MAPK14: variants seen among roughly 807,000 people sequenced by gnomAD.
MAPK14 encodes CSAID-binding protein.
Under a neutral mutation model 49.6 loss-of-function variants are expected in MAPK14, and 16 were observed. The observed-to-expected ratio is 0.32, with a 90% confidence interval of 0.22 to 0.49. The LOEUF (loss-of-function observed/expected upper bound fraction) is 0.49. Among genes scored for constraint, MAPK14 ranks in the 20% least tolerant of loss-of-function variants. The probability of loss-of-function intolerance (pLI) is 0.99; values close to 1 mark genes in which losing one functional copy is unlikely to be tolerated. For synonymous variants in MAPK14, 142 were observed against 158.0 expected (o/e 0.90, Z 0.76); for missense variants, 200 against 441.2 (o/e 0.45, Z 4.90).
intron 1 of MAPK14, among the ~76,000 whole-genome samples, chr6:36,029,746 A>C (rs994680487): frequency 6.6e-6 from 1 of 152,170 alleles, no homozygotes; most frequent in African/African-American, 2.4e-5. Context: ...TGCTTAAGTT[A>C]TGTTGCAGAT....
intron 1 of MAPK14, among the ~76,000 whole-genome samples, chr6:36,051,588 C>T (rs1296890712): frequency 6.6e-6 from 1 of 152,050 alleles, no homozygotes; most frequent in Non-Finnish European, 1.5e-5. Context: ...CGTTTCCTAC[C>T]TCTGTTTCTT....
At chr6:36,073,936 C>T (rs1031253245) in intron 5 of MAPK14, 113 bp from the exon 6 acceptor site, 7 of 934,106 alleles carry the variant, frequency 7.5e-6, no homozygotes, top group Non-Finnish European at 1.2e-5. Context: ...TGGAGATTGT[C>T]TTTTGATAGC....
chr6:36,074,167 T>G, intron 6 of MAPK14, 71 bp downstream of exon 6: 1 of 1,160,802 alleles, frequency 8.6e-7, no homozygotes. Flanking sequence ...CAGGCAGACT[T>G]TCTTAGGGAG....
intron 9 of MAPK14, among the ~76,000 whole-genome samples, chr6:36,100,026 A>T (rs769227957): frequency 2.0e-5 from 3 of 152,212 alleles, no homozygotes; most frequent in Non-Finnish European, 4.4e-5. Context: ...TGTCATTCAC[A>T]GAAGTGTACT....
At chr6:36,116,832 A>G in the MAPK14 span, among the ~76,000 whole-genome samples, 1 of 152,040 alleles carries the variant, frequency 6.6e-6, no homozygotes, top group Non-Finnish European at 1.5e-5. Context: ...ATGAACTGCT[A>G]CTGTATGTTA....
Position 36,109,181 on chromosome 6 carries a change from G to GCGGT in MAPK14, c.*736_*739dup, listed in dbSNP as rs1292754843. ...CGGAGTAATCAGGCAGCCTTCATAG[G>GCGGT]CGGTCATGTGTGCATGTGAGCACAT... On this transcript the variant is annotated 3_prime_UTR_variant, in exon 12 of 12. Transcript: ENST00000229794. The GCGGT allele has an allele frequency of 6.5e-6, 1 of 152,780 alleles. No individual in the cohort carries two copies. The highest frequency in any genetic ancestry group is 2.4e-5 in the African/African-American group (1 of 41,448). The allele number at this position is 152,780 out of a possible 1,614,324, so 9.5% of individuals were successfully genotyped here.
chr6:36,117,147 C>G, the MAPK14 span, among the ~76,000 whole-genome samples: 1 of 152,220 alleles, frequency 6.6e-6, no homozygotes, highest in Admixed American at 6.5e-5. Context: ...GGGTCTCTCT[C>G]CCTAGTTCCA....
rs188748448 is a variant in MAPK14, at chr6:36,035,627, C to A, written c.116+7354C>A. Among the ~76,000 whole-genome samples the A allele has an allele frequency of 1.1e-4, 16 of 152,000 alleles. No homozygotes were observed. The East Asian group carries it at 3.1e-3, about 29-fold the overall frequency. On this transcript the variant is annotated intron_variant, in intron 1 of 11. Transcript: ENST00000229794. ...AGCTAGGCTTCTTGTACCAAACAGC[C>A]AATTTGTGAATGCAAATGAAAAGTT... is the stretch of plus-strand genomic sequence containing the variant.
intron 1 of MAPK14, among the ~76,000 whole-genome samples, chr6:36,041,718 A>G (rs12199654): frequency 0.042 from 6,436 of 152,322 alleles, 196 homozygotes; most frequent in South Asian, 0.075. Context: ...GAAGTTTTCA[A>G]TAACTCTAGG....
In MAPK14 at chr6:36,107,681, G is replaced by C; in HGVS notation, c.1015+53G>C. ...TTGAACCACTAACCAAAAGCGGTGG[G>C]AAAAATAAAAACTGAATGGTCATAA... On this transcript the variant is annotated intron_variant, in intron 11 of 11. Transcript: ENST00000229794. This position sits in a 1 kb window ranked among gnomAD's most constrained non-coding sequence, Gnocchi z 4.3. 1 of 1,382,436 alleles carries C rather than the reference G, an allele frequency of 7.2e-7. No homozygotes were observed. The highest frequency in any genetic ancestry group is 1.7e-5 in the South Asian group (1 of 60,368). 85.6% of individuals were successfully genotyped at this position (1,382,436 alleles called of 1,614,324 possible).
chr6:36,117,553 GA>G, the MAPK14 span, among the ~76,000 whole-genome samples: 2 of 152,172 alleles, frequency 1.3e-5, no homozygotes. Context: ...TGGTGGCACT[GA>G]TTACACTGCT....
the MAPK14 span, among the ~76,000 whole-genome samples, chr6:36,118,680 T>A: frequency 6.6e-6 from 1 of 152,242 alleles, no homozygotes; most frequent in Non-Finnish European, 1.5e-5. Context: ...TGCTCAAGTA[T>A]GACAGAGCTG....
chr6:36,120,771 C>T, the MAPK14 span, among the ~76,000 whole-genome samples: 5 of 152,188 alleles, frequency 3.3e-5, no homozygotes, highest in South Asian at 1.0e-3. Context: ...GCCGCCCTCA[C>T]TAGGGTAGGA....
intron 9 of MAPK14, among the ~76,000 whole-genome samples, chr6:36,098,454 C>T (rs1193124883): frequency 6.6e-6 from 1 of 152,170 alleles, no homozygotes; most frequent in Non-Finnish European, 1.5e-5. Flanking sequence ...AGGAGGATCA[C>T]TCGAGGCCAG....
chr6:36,093,102 G>A (rs752640487), intron 8 of MAPK14, among the ~76,000 whole-genome samples: 39 of 152,170 alleles, frequency 2.6e-4, no homozygotes, highest in Non-Finnish European at 4.1e-4. Flanking sequence ...TTGGAAGGAC[G>A]GGAGAAGGGG....
intron 9 of MAPK14, among the ~76,000 whole-genome samples, chr6:36,099,298 C>T (rs1205833714): frequency 6.6e-6 from 1 of 152,176 alleles, no homozygotes; most frequent in Admixed American, 6.5e-5. Flanking sequence ...ACATGATAAA[C>T]AGTTCTGACA....
In MAPK14 at chr6:36,030,628, A is replaced by C. The variant is rs1402078540; in HGVS notation, c.116+2355A>C. Among the ~76,000 whole-genome samples the C allele has an allele frequency of 3.3e-5, 5 of 151,152 alleles. No individual in the cohort carries two copies. In the East Asian group the frequency reaches 9.8e-4, roughly 30 times the overall value. ...TTTGAACCCGGGAGGCGGAGGTTGCAATGAGCTGAGATCGCTCCACTGCAC... is the reference window on the plus strand; with the variant it reads ...TTTGAACCCGGGAGGCGGAGGTTGCCATGAGCTGAGATCGCTCCACTGCAC... On this transcript the variant is annotated intron_variant, in intron 1 of 11. Coordinates refer to ENST00000229794, the MANE Select transcript of MAPK14 (RefSeq NM_139012.3).
the MAPK14 span, among the ~76,000 whole-genome samples, chr6:36,117,613 T>C: frequency 3.9e-5 from 6 of 152,154 alleles, no homozygotes; most frequent in Admixed American, 3.3e-4. Flanking sequence ...GAAAAACATA[T>C]AAAGGTTAAG....
intron 3 of MAPK14, among the ~76,000 whole-genome samples, chr6:36,070,749 CAG>C (rs1469788100): frequency 6.6e-6 from 1 of 151,884 alleles, no homozygotes; most frequent in African/African-American, 2.4e-5. Flanking sequence ...GAAATTATGA[CAG>C]AGAAAAAAAT....
Sources: allele counts gnomAD v4.1 joint callset (sites outside exome capture counted in the v4.1 genomes callset), GRCh38; gene constraint gnomAD v4.1.1; non-coding constraint Gnocchi (gnomAD v3.1); transcripts MANE v1.5; gene names NCBI Gene and HGNC (gene_info 2026-07-23, HGNC 2026-07-21).